UMODL1: variants seen among roughly 807,000 people sequenced by gnomAD.
The protein encoded by UMODL1 is uromodulin like 1.
UMODL1 carries 128 observed loss-of-function variants against 136.3 expected under a neutral mutation model. The observed-to-expected ratio is 0.94, with a 90% CI of 0.81 to 1.09. UMODL1 has a LOEUF of 1.09. UMODL1 is among the 50% of genes least tolerant of loss of function. The pLI, the probability that UMODL1 is intolerant of heterozygous loss-of-function variation, is 0.00. For synonymous variants in UMODL1, 721 were observed against 720.0 expected (o/e 1.00, Z -0.02); for missense variants, 1,766 against 1,725.6 (o/e 1.02, Z -0.41).
intron 10 of UMODL1, among the ~76,000 whole-genome samples, chr21:42,110,217 C>G (rs220122): frequency 0.47 from 70,959 of 152,096 alleles, 16,880 homozygotes; most frequent in East Asian, 0.56. Flanking sequence ...GTCGGGGATA[C>G]CTGGGATGCT....
At chr21:42,093,729 G>A (rs1422702607) in intron 6 of UMODL1, 1 of 373,034 alleles carries the variant, frequency 2.7e-6, no homozygotes, top group Non-Finnish European at 5.5e-6. Context: ...GCCCCGCAAA[G>A]AGCAGGCACT....
chr21:42,075,978 GTCGCC>G, intron 1 of UMODL1, 22 bp from the exon 2 acceptor site: 1 of 1,610,710 alleles, frequency 6.2e-7, no homozygotes. Context: ...GGTGTTCTCA[GTCGCC>G]TTCTTGCTTG....
chr21:42,116,942 G>A (rs961856072), intron 14 of UMODL1, among the ~76,000 whole-genome samples: 2 of 152,144 alleles, frequency 1.3e-5, no homozygotes, highest in Non-Finnish European at 2.9e-5. Context: ...CGGATGTGGT[G>A]GCGGGTGCCT....
At chr21:42,112,551 G>A (rs1262136941) in intron 12 of UMODL1, among the ~76,000 whole-genome samples, 1 of 150,632 alleles carries the variant, frequency 6.6e-6, no homozygotes, top group East Asian at 1.9e-4. Context: ...TGCACCCCCA[G>A]CTGTTCTGTA....
chr21:42,070,970 T>C (rs372485961), upstream of UMODL1, among the ~76,000 whole-genome samples: 1 of 152,252 alleles, frequency 6.6e-6, no homozygotes, highest in African/African-American at 2.4e-5. Context: ...GATATGAGTC[T>C]CAAATGTGTT....
Position 42,108,818 on chromosome 21 carries a change from C to T in UMODL1, c.1520-744C>T, listed in dbSNP as rs571137197. ...GGAGGGACATACCTGTGGAGACACC[C>T]GGGTGCTCTAGAATATGGCGCGGGA... On this transcript the variant is annotated intron_variant, in intron 9 of 22. Coordinates refer to ENST00000408910, the MANE Select transcript of UMODL1 (RefSeq NM_001004416.3). Among the ~76,000 whole-genome samples, 8 of 90,808 alleles carry T rather than the reference C, an allele frequency of 8.8e-5. 1 individual carries two copies. The highest frequency in any genetic ancestry group is 3.4e-4 in the East Asian group (1 of 2,900). The allele number at this position is 90,808 out of a possible 152,430, so 59.6% of individuals were successfully genotyped here. A position where few individuals can be genotyped will look rare whatever the true frequency, so the allele number is the denominator to read the frequency against.
chr21:42,111,586 C>T lies in UMODL1; in HGVS notation c.1980C>T (p.Ala660=), dbSNP rs756539766. The change falls in exon 12 of 23, where the codon GCC becomes GCT. Residue 660 remains alanine, a synonymous_variant. Transcript: ENST00000408910. ...EDPTGHFLWH[A]TRSTRETLLN... Reference sequence around the variant, plus strand: ...CCACCGGCCACTTCCTGTGGCATGCCACCCGTTCCACCCGGGAAACACTTC... The same window carrying T: ...CCACCGGCCACTTCCTGTGGCATGCTACCCGTTCCACCCGGGAAACACTTC... 3 of 1,614,158 alleles carry T rather than the reference C, an allele frequency of 1.9e-6. No homozygotes were observed. The highest frequency in any genetic ancestry group is 2.5e-6 in the Non-Finnish European group (3 of 1,180,008).
intron 20 of UMODL1, among the ~76,000 whole-genome samples, 157 bp from the exon 21 acceptor site, chr21:42,129,556 G>A (rs879620804): frequency 1.3e-5 from 2 of 152,156 alleles, no homozygotes; most frequent in Admixed American, 1.3e-4. Context: ...GGTCTCACCA[G>A]GTCTCCCACT....
intron 3 of UMODL1, among the ~76,000 whole-genome samples, chr21:42,084,856 C>T (rs1482965114): frequency 6.6e-6 from 1 of 150,596 alleles, no homozygotes; most frequent in African/African-American, 2.4e-5. Context: ...CATTATACTA[C>T]ATGCTATTAT....
intron 8 of UMODL1, 140 bp from the exon 9 acceptor site, chr21:42,103,728 A>G (rs1266144133): frequency 3.1e-6 from 3 of 979,616 alleles, no homozygotes; most frequent in Non-Finnish European, 4.8e-6. Context: ...GCGTGCTCTG[A>G]GAGGTCGGTC....
Position 42,085,542 on chromosome 21 carries a change from G to A in UMODL1, c.603+130G>A. 7.2e-7 allele frequency: 1 copy of A among 1,382,444 alleles called. No homozygotes were observed. The highest frequency in any genetic ancestry group is 1.3e-5 in the South Asian group (1 of 78,884). 85.6% of individuals were successfully genotyped at this position (1,382,444 alleles called of 1,614,324 possible). A position where few individuals can be genotyped will look rare whatever the true frequency, so the allele number is the denominator to read the frequency against. On this transcript the variant is annotated intron_variant, in intron 4 of 22. Coordinates refer to ENST00000408910, the MANE Select transcript of UMODL1 (RefSeq NM_001004416.3). This position sits in a 1 kb window ranked among gnomAD's most constrained non-coding sequence, Gnocchi z 4.5. The stretch of plus-strand genomic sequence containing the variant: ...GTTCCCCAAATGGCCCCAAATGACT[G>A]ACTCTGAACGAAATTCTAGTTCTTA...
intron 10 of UMODL1, among the ~76,000 whole-genome samples, chr21:42,110,488 G>T (rs1442824501): frequency 6.6e-6 from 1 of 152,200 alleles, no homozygotes; most frequent in Admixed American, 6.5e-5. Context: ...GCAAGTCGAT[G>T]ACAGCATCCA....
In UMODL1 at chr21:42,110,911, G is replaced by A. The variant is rs2066812510; in HGVS notation, c.1689G>A (p.Leu563=). The A allele has an allele frequency of 6.2e-7, 1 of 1,611,834 alleles. No homozygotes were observed. The change falls in exon 11 of 23, where the codon CTG becomes CTA. Residue 563 remains leucine, a synonymous_variant. Transcript: ENST00000408910. Reference sequence around the variant, plus strand: ...TGGTGAGCCCCATGGGCGGTGGACTGTCTGCGGCAACAGGGGTAACGGTCC... The same window carrying A: ...TGGTGAGCCCCATGGGCGGTGGACTATCTGCGGCAACAGGGGTAACGGTCC... ...GDLVSPMGGG[L]SAATGVTVPG... is the part of the protein sequence containing the mutation.
At position 42,123,872 on chromosome 21, in the gene UMODL1, A is replaced by C. The variant is rs1252331075; in HGVS notation, c.3147+722A>C. On this transcript the variant is annotated intron_variant, in intron 17 of 22. Transcript: ENST00000408910. This position sits in a 1 kb window ranked among gnomAD's most constrained non-coding sequence, Gnocchi z 4.4. ...TGTCGGAGGGACTGTGTTCCTAGCG[A>C]ACATTCTCTATTTCAGGGTCCTGGA... is the stretch of plus-strand genomic sequence containing the variant. 6.6e-6 allele frequency among the ~76,000 whole-genome samples: 1 copy of C among 152,176 alleles called. No individual in the cohort carries two copies. Among genetic ancestry groups the C allele is most frequent in the African/African-American group, 2.4e-5 (1 of 41,434 alleles).
chr21:42,104,162 A>G, intron 9 of UMODL1, 75 bp downstream of exon 9: 2 of 1,423,044 alleles, frequency 1.4e-6, no homozygotes, highest in Non-Finnish European at 1.9e-6. Flanking sequence ...TATTTGAGTC[A>G]GTCTTTCCTT....
At chr21:42,138,827 G>A (rs913476437) in intron 22 of UMODL1, among the ~76,000 whole-genome samples, 4 of 152,006 alleles carry the variant, frequency 2.6e-5, no homozygotes, top group East Asian at 1.9e-4. Context: ...CACCCGTCTC[G>A]GCCTCTCAAA....
chr21:42,106,486 G>A (rs916735891), intron 9 of UMODL1, among the ~76,000 whole-genome samples: 2 of 152,172 alleles, frequency 1.3e-5, no homozygotes, highest in African/African-American at 2.4e-5. Context: ...TCCCAACCCC[G>A]ATAGATGAGG....
intron 5 of UMODL1, among the ~76,000 whole-genome samples, chr21:42,089,102 C>T (rs985515035): frequency 1.3e-5 from 2 of 152,164 alleles, no homozygotes; most frequent in African/African-American, 2.4e-5. Flanking sequence ...TGCGGGCCCA[C>T]GTGGTCTCTG....
At position 42,111,685 on chromosome 21, in the gene UMODL1, C is replaced by A. The variant is rs1300708652; in HGVS notation, c.2079C>A (p.Leu693=). 1.2e-6 allele frequency: 2 copies of A among 1,613,208 alleles called. No homozygotes were observed. Among genetic ancestry groups the A allele is most frequent in the African/African-American group, 2.7e-5 (2 of 74,924 alleles). Residue 693 remains leucine, a synonymous_variant, in exon 12 of 23, where the codon CTC becomes CTA. Transcript: ENST00000408910. ...GSVDLPLTST[L]TALKTPACVP... is the part of the protein sequence containing the mutation. ...TAGACCTGCCATTGACCTCCACCCT[C>A]ACAGCTCTGAAGACCCCCGCCTGTG...
Sources: gnomAD v4.1 joint callset for allele counts (sites outside exome capture counted in the v4.1 genomes callset) on GRCh38, gnomAD v4.1.1 for gene constraint, Gnocchi (gnomAD v3.1) non-coding constraint, MANE v1.5 for transcripts, NCBI Gene and HGNC (gene_info 2026-07-23, HGNC 2026-07-21) for gene names.